The following SCAMP1 variants were observed in gnomAD, a reference collection of about 807,000 sequenced individuals.
The protein encoded by SCAMP1 is secretory carrier-associated membrane protein 1.
SCAMP1 carries 15 observed loss-of-function variants against 41.8 expected under a neutral mutation model. The observed-to-expected ratio is 0.36, with a 90% CI of 0.24 to 0.55. SCAMP1 has a LOEUF of 0.55. SCAMP1 is among the 20% of genes least tolerant of loss of function. The pLI is 0.86. For missense variants in SCAMP1, 341 were observed against 412.6 expected (o/e 0.83, Z 1.50); for synonymous variants, 135 against 136.8 (o/e 0.99, Z 0.09).
chr5:78,471,897 G>A (rs981049019), intron 8 of SCAMP1, among the ~76,000 whole-genome samples: 1 of 152,090 alleles, frequency 6.6e-6, no homozygotes, highest in African/African-American at 2.4e-5. Context: ...AGTTTTGAGT[G>A]GTGGCCAGCC....
intron 7 of SCAMP1, among the ~76,000 whole-genome samples, chr5:78,453,425 C>A (rs1753296245): frequency 6.6e-6 from 1 of 151,722 alleles, no homozygotes; most frequent in Non-Finnish European, 1.5e-5. Context: ...TTTCCCAGCA[C>A]CATTTATTAA....
intron 7 of SCAMP1, among the ~76,000 whole-genome samples, chr5:78,450,825 C>T (rs1269545559): frequency 6.6e-6 from 1 of 152,224 alleles, no homozygotes; most frequent in South Asian, 2.1e-4. Flanking sequence ...TGAGGACTTA[C>T]ATTTAGTATT....
chr5:78,468,791 A>G (rs1753803040), intron 8 of SCAMP1, among the ~76,000 whole-genome samples: 1 of 152,208 alleles, frequency 6.6e-6, no homozygotes. Context: ...TCTATGATAG[A>G]GAACACTGTG....
chr5:78,462,839 A>T (rs971388387), intron 8 of SCAMP1, among the ~76,000 whole-genome samples: 1 of 152,126 alleles, frequency 6.6e-6, no homozygotes, highest in Non-Finnish European at 1.5e-5. Flanking sequence ...ATTTTGATAT[A>T]TTTTATATGT....
Position 78,449,916 on chromosome 5 carries a change from C to CTTTT in SCAMP1, c.633-9_633-6dup. ...CCCTAACCCCCTTTTTTCTTTCTTTCTTTTTTTTTTTCAAAGGAGTGACAG... is the reference window on the plus strand; with the variant it reads ...CCCTAACCCCCTTTTTTCTTTCTTTCTTTTTTTTTTTTTTTCAAAGGAGTGACAG... On this transcript the variant is annotated splice_polypyrimidine_tract_variant and intron_variant, in intron 6 of 8. Coordinates refer to ENST00000621999, the MANE Select transcript of SCAMP1 (RefSeq NM_004866.6). 1 of 1,089,550 alleles carries CTTTT rather than the reference C, an allele frequency of 9.2e-7. No homozygotes were observed. The highest frequency in any genetic ancestry group is 1.2e-6 in the Non-Finnish European group (1 of 806,980). The allele number at this position is 1,089,550 out of a possible 1,614,324, so 67.5% of individuals were successfully genotyped here. A position where few individuals can be genotyped will look rare whatever the true frequency, so the allele number is the denominator to read the frequency against.
chr5:78,362,177 C>A (rs1265530821), intron 1 of SCAMP1, among the ~76,000 whole-genome samples: 1 of 151,876 alleles, frequency 6.6e-6, no homozygotes, highest in Middle Eastern at 3.2e-3. Flanking sequence ...GGTAGACTTT[C>A]TAAAGAGACC....
At chr5:78,417,637 T>A (rs1250790428) in intron 4 of SCAMP1, among the ~76,000 whole-genome samples, 1 of 152,208 alleles carries the variant, frequency 6.6e-6, no homozygotes, top group East Asian at 1.9e-4. Context: ...TGAGGGGTGA[T>A]AGAGTTTTTA....
intron 3 of SCAMP1, among the ~76,000 whole-genome samples, chr5:78,415,929 A>G (rs915716068): frequency 6.6e-6 from 1 of 152,178 alleles, no homozygotes; most frequent in African/African-American, 2.4e-5. Flanking sequence ...GGAATAATAG[A>G]TATTATTGGG....
intron 2 of SCAMP1, among the ~76,000 whole-genome samples, chr5:78,414,151 C>T (rs557366091): frequency 2.8e-4 from 42 of 151,718 alleles, no homozygotes; most frequent in African/African-American, 8.9e-4. Context: ...GGTGCAAGTC[C>T]GTCTGATATC....
chr5:78,468,280 A>C (rs1251191226), intron 8 of SCAMP1, among the ~76,000 whole-genome samples: 1 of 152,310 alleles, frequency 6.6e-6, no homozygotes, highest in Admixed American at 6.5e-5. Flanking sequence ...TTTAGTCCTT[A>C]TCTTTCACAA....
intron 1 of SCAMP1, among the ~76,000 whole-genome samples, chr5:78,363,239 GT>G (rs1453080162): frequency 6.8e-6 from 1 of 147,744 alleles, no homozygotes; most frequent in Non-Finnish European, 1.5e-5. Flanking sequence ...TTGAGACGGA[GT>G]CTCCCTCTGT....
chr5:78,457,140 G>T (rs1580711413), intron 7 of SCAMP1, among the ~76,000 whole-genome samples: 1 of 148,902 alleles, frequency 6.7e-6, no homozygotes, highest in East Asian at 2.0e-4. Flanking sequence ...ATGTCCTCCC[G>T]TAGCTCAGAG....
intron 5 of SCAMP1, among the ~76,000 whole-genome samples, chr5:78,419,525 C>T (rs569233078): frequency 1.6e-4 from 25 of 152,256 alleles, no homozygotes; most frequent in Middle Eastern, 3.4e-3. Context: ...AATGTCAAGC[C>T]GTTAACAGTT....
At chr5:78,403,955 A>C (rs1751863223) in intron 2 of SCAMP1, among the ~76,000 whole-genome samples, 1 of 12,692 alleles carries the variant, frequency 7.9e-5, no homozygotes. Flanking sequence ...TGTCTCAAAA[A>C]AAAAAAAAAA....
intron 1 of SCAMP1, among the ~76,000 whole-genome samples, chr5:78,374,844 G>T (rs1751026745): frequency 6.6e-6 from 1 of 152,018 alleles, no homozygotes. Context: ...CCCTTGCCAT[G>T]ATATGAATTT....
Position 78,464,204 on chromosome 5 carries a change from C to T in SCAMP1, c.852+4842C>T, listed in dbSNP as rs185782874. On this transcript the variant is annotated intron_variant, in intron 8 of 8. Coordinates refer to ENST00000621999, the MANE Select transcript of SCAMP1 (RefSeq NM_004866.6). ...CTGTCACCAGGCTGGAGTGTGATGG[C>T]GTGATCTCTGCTCACTGCAGCCTCC... Among the ~76,000 whole-genome samples the T allele has an allele frequency of 2.1e-3, 315 of 151,892 alleles. 1 individual carries two copies. Among genetic ancestry groups the T allele is most frequent in the Admixed American group, 3.9e-3 (59 of 15,266 alleles).
intron 7 of SCAMP1, among the ~76,000 whole-genome samples, chr5:78,450,860 T>C (rs1753207549): frequency 6.6e-6 from 1 of 152,226 alleles, no homozygotes; most frequent in Admixed American, 6.5e-5. Context: ...GAGAAGTGAT[T>C]GGCAGACAAC....
chr5:78,465,798 C>T (rs547098820), intron 8 of SCAMP1, among the ~76,000 whole-genome samples: 5 of 152,230 alleles, frequency 3.3e-5, no homozygotes, highest in African/African-American at 7.2e-5. Context: ...GAGGGCAGGC[C>T]GGAACTCTCA....
intron 1 of SCAMP1, among the ~76,000 whole-genome samples, chr5:78,366,369 C>G (rs1750796351): frequency 6.6e-6 from 1 of 152,118 alleles, no homozygotes; most frequent in African/African-American, 2.4e-5. Context: ...GCCTTGAACT[C>G]TTGGCCTCAA....
Sources: gnomAD v4.1 joint callset for allele counts (sites outside exome capture counted in the v4.1 genomes callset) on GRCh38, gnomAD v4.1.1 for gene constraint, MANE v1.5 for transcripts, NCBI Gene and HGNC (gene_info 2026-07-23, HGNC 2026-07-21) for gene names.